Variants in CYP4F8 observed in about 807,000 individuals in gnomAD.
CYP4F8 encodes cytochrome P450 family 4 subfamily F member 8.
CYP4F8 carries 56 observed loss-of-function variants against 55.0 expected under a neutral mutation model. That is an observed-to-expected ratio of 1.02 (90% CI 0.82 to 1.27). The LOEUF is 1.27. Ranked by LOEUF, CYP4F8 falls within the 50% of genes most tolerant of loss-of-function variation. The pLI, the probability that CYP4F8 is intolerant of heterozygous loss-of-function variation, is 0.00. For synonymous variants in CYP4F8, 288 were observed against 267.3 expected (o/e 1.08, Z -0.76); for missense variants, 680 against 682.4 (o/e 1.00, Z 0.04).
At position 15,615,603 on chromosome 19, in the gene CYP4F8, G is replaced by A. The variant is rs201221103; in HGVS notation, c.-1-13G>A. 158 of 1,612,296 alleles carry A rather than the reference G, an allele frequency of 9.8e-5. No homozygotes were observed. Among genetic ancestry groups the A allele is most frequent in the Admixed American group, 1.8e-4 (11 of 59,880 alleles). On this transcript the variant is annotated splice_polypyrimidine_tract_variant and intron_variant, in intron 1 of 12. Coordinates refer to ENST00000612078, the MANE Select transcript of CYP4F8 (RefSeq NM_007253.4). ...GCCTCAGGACCTCACCCTCCATCCC[G>A]TCTGCCCTGCAGGATGTCGCTGCTG...
At chr19:15,615,545 A>G in intron 1 of CYP4F8, 71 bp from the exon 2 acceptor site, 10 of 1,519,650 alleles carry the variant, frequency 6.6e-6, no homozygotes, top group Non-Finnish European at 8.0e-6. Flanking sequence ...TTTACCCATC[A>G]TTGGTCCTGG....
rs548434588 is a variant in CYP4F8, at chr19:15,630,228, A to G, written c.*870A>G. On this transcript the variant is annotated 3_prime_UTR_variant, in exon 13 of 13. Transcript: ENST00000612078. ...CAAATTTATTACAAAGGTATATTGC[A>G]TCATGCTGAGGTTTGGAGTATGAAT... is the stretch of plus-strand genomic sequence containing the variant. 6.6e-5 allele frequency: 10 copies of G among 152,294 alleles called. No homozygotes were observed. The highest frequency in any genetic ancestry group is 2.4e-4 in the African/African-American group (10 of 41,540). 9.4% of individuals were successfully genotyped at this position (152,294 alleles called of 1,614,324 possible). A position where few individuals can be genotyped will look rare whatever the true frequency, so the allele number is the denominator to read the frequency against.
At chr19:15,620,206 TGTGCCA>T (rs1047094341) in intron 5 of CYP4F8, among the ~76,000 whole-genome samples, 2 of 152,152 alleles carry the variant, frequency 1.3e-5, no homozygotes, top group African/African-American at 4.8e-5. Flanking sequence ...CAGCTTTGCT[TGTGCCA>T]GCTCAGTTCT....
chr19:15,623,952 G>A lies in CYP4F8; in HGVS notation c.986-13G>A, dbSNP rs1568384034. 1 of 1,613,666 alleles carries A rather than the reference G, an allele frequency of 6.2e-7. No homozygotes were observed. The highest frequency in any genetic ancestry group is 8.5e-7 in the Non-Finnish European group (1 of 1,179,706). ...GCAGCCCAGAGACTCAAGCCTGCCTGGCTGACCCTCAGGCCATGACACCAC... is the reference window on the plus strand; with the variant it reads ...GCAGCCCAGAGACTCAAGCCTGCCTAGCTGACCCTCAGGCCATGACACCAC... On this transcript the variant is annotated splice_polypyrimidine_tract_variant and intron_variant, in intron 8 of 12. Transcript: ENST00000612078.
At chr19:15,627,729 A>G (rs1014664882) in intron 9 of CYP4F8, 2 of 152,490 alleles carry the variant, frequency 1.3e-5, no homozygotes, top group East Asian at 3.9e-4. Context: ...TTACCTCTTT[A>G]TATAATTTTA....
chr19:15,617,071 G>A lies in CYP4F8; in HGVS notation c.199-929G>A, dbSNP rs561307331. ...CCATGGGAGGGCCTGGGGCCCCTGA[G>A]GCCCAGCCAGGACATAAAAGGATGT... On this transcript the variant is annotated intron_variant, in intron 2 of 12. Transcript: ENST00000612078. 3.3e-5 allele frequency among the ~76,000 whole-genome samples: 5 copies of A among 152,296 alleles called. No individual in the cohort carries two copies. The East Asian group carries it at 9.7e-4, about 29-fold the overall frequency.
In CYP4F8 at chr19:15,623,302, G is replaced by A. The variant is rs766762434; in HGVS notation, c.845G>A (p.Gly282Asp). The A allele has an allele frequency of 2.5e-6, 4 of 1,614,042 alleles. No homozygotes were observed. The highest frequency in any genetic ancestry group is 1.7e-6 in the Non-Finnish European group (2 of 1,180,014). Residue 282 changes from glycine (G) to aspartate (D), a missense_variant, in exon 7 of 13, where the codon GGT becomes GAT. Physicochemically the swap from Gly to Asp is moderately conservative, Grantham distance 94. Coordinates refer to ENST00000612078, the MANE Select transcript of CYP4F8 (RefSeq NM_007253.4). ...QERRRTLTSQ[G>D]VDDFLQAKAK... ...CGGCGCCGCACCCTCACTAGCCAGGGTGTTGATGACTTCCTCCAAGCCAAG... is the reference window on the plus strand; with the variant it reads ...CGGCGCCGCACCCTCACTAGCCAGGATGTTGATGACTTCCTCCAAGCCAAG...
At chr19:15,615,948 C>CACTCACTCATTCCTCTTA in intron 2 of CYP4F8, 134 bp downstream of exon 2, 1 of 198,656 alleles carries the variant, frequency 5.0e-6, no homozygotes, top group Non-Finnish European at 8.3e-6. Context: ...CATTCCTCTT[C>CACTCACTCATTCCTCTTA]CCACTCATTC....
At position 15,629,374 on chromosome 19, in the gene CYP4F8, ACCCACCTACCTTTG is replaced by A; in HGVS notation, c.*18_*31del. On this transcript the variant is annotated 3_prime_UTR_variant, in exon 13 of 13. Transcript: ENST00000612078. ...CCTGGGCTGAGGCCTGCAGTGACCC[ACCCACCTACCTTTG>A]CATCACCTACCTTTGCACCAACTAC... is the stretch of plus-strand genomic sequence containing the variant. 3 of 1,585,330 alleles carry A rather than the reference ACCCACCTACCTTTG, an allele frequency of 1.9e-6. No individual in the cohort carries two copies. Among genetic ancestry groups the A allele is most frequent in the Non-Finnish European group, 1.7e-6 (2 of 1,165,432 alleles).
intron 10 of CYP4F8, 28 bp from the exon 11 acceptor site, chr19:15,628,503 G>GAA (rs1972291870): frequency 1.2e-6 from 2 of 1,613,494 alleles, no homozygotes; most frequent in African/African-American, 2.7e-5. Context: ...CTCGGACCTT[G>GAA]TTCTTACTGT....
chr19:15,627,793 C>G (rs1248311402), intron 9 of CYP4F8: 1 of 152,700 alleles, frequency 6.5e-6, no homozygotes, highest in Non-Finnish European at 1.5e-5. Context: ...TGGAGTTGCT[C>G]TGCCTCCCAA....
Position 15,615,625 on chromosome 19 carries a change from G to A in CYP4F8, c.9G>A (p.Leu3=), listed in dbSNP as rs1255792730. The A allele has an allele frequency of 6.2e-7, 1 of 1,613,450 alleles. No individual in the cohort carries two copies. The highest frequency in any genetic ancestry group is 8.5e-7 in the Non-Finnish European group (1 of 1,179,846). The part of the protein sequence containing the change: MS[L]LSLSWLGLRP... Reference sequence around the variant, plus strand: ...CCCGTCTGCCCTGCAGGATGTCGCTGCTGAGCCTGTCTTGGCTGGGCCTCA... The same window carrying A: ...CCCGTCTGCCCTGCAGGATGTCGCTACTGAGCCTGTCTTGGCTGGGCCTCA... Residue 3 remains leucine (L), a synonymous_variant, in exon 2 of 13, where the codon CTG becomes CTA. Transcript: ENST00000612078.
chr19:15,628,938 T>C (rs774017953), intron 12 of CYP4F8, 95 bp downstream of exon 12: 35 of 1,389,432 alleles, frequency 2.5e-5, no homozygotes, highest in Non-Finnish European at 3.2e-5. Context: ...CGTGTTTCTG[T>C]GATAGGGGTT....
chr19:15,625,371 T>C (rs539845664), intron 9 of CYP4F8, among the ~76,000 whole-genome samples: 107 of 149,100 alleles, frequency 7.2e-4, no homozygotes, highest in Admixed American at 4.2e-3. Flanking sequence ...TGTATATATA[T>C]ATAGTGTTTG....
intron 5 of CYP4F8, 71 bp downstream of exon 5, chr19:15,619,833 A>G (rs1972171714): frequency 1.3e-6 from 2 of 1,567,052 alleles, no homozygotes; most frequent in Non-Finnish European, 1.7e-6. Context: ...TGGGTCTGGA[A>G]TGTTGGCTCT....
At chr19:15,617,972 G>A in intron 2 of CYP4F8, 28 bp from the exon 3 acceptor site, 2 of 1,609,640 alleles carry the variant, frequency 1.2e-6, no homozygotes, top group Non-Finnish European at 1.7e-6. Context: ...GTGGACACAG[G>A]AGGTGATGGC....
At position 15,619,338 on chromosome 19, in the gene CYP4F8, C is replaced by A. The variant is rs4646527; in HGVS notation, c.344-152C>A. The A allele has an allele frequency of 7.2e-4, 589 of 817,866 alleles. 6 individuals are homozygous for A. The East Asian group carries it at 0.013, about 19-fold the overall frequency. 50.7% of individuals were successfully genotyped at this position (817,866 alleles called of 1,614,324 possible). A position where few individuals can be genotyped will look rare whatever the true frequency, so the allele number is the denominator to read the frequency against. On this transcript the variant is annotated intron_variant, in intron 3 of 12. Transcript: ENST00000612078. ...CTAGTCCGGTCCCCTTTATGCCCCCCACCCTCCTTTCTTCTTCTGCCCATG... is the reference window on the plus strand; with the variant it reads ...CTAGTCCGGTCCCCTTTATGCCCCCAACCCTCCTTTCTTCTTCTGCCCATG...
intron 3 of CYP4F8, chr19:15,618,867 G>C (rs1296640782): frequency 5.8e-6 from 1 of 173,662 alleles, no homozygotes; most frequent in East Asian, 1.5e-4. Context: ...CACCACCCCA[G>C]CCTGGAGCCG....
At chr19:15,624,594 A>G (rs1247529517) in intron 9 of CYP4F8, among the ~76,000 whole-genome samples, 3 of 152,236 alleles carry the variant, frequency 2.0e-5, no homozygotes, top group African/African-American at 7.2e-5. Flanking sequence ...GCAGATTCCT[A>G]GAAGTGCAAC....
Sources: gnomAD v4.1 joint callset for allele counts (sites outside exome capture counted in the v4.1 genomes callset) on GRCh38, gnomAD v4.1.1 for gene constraint, MANE v1.5 for transcripts, NCBI Gene and HGNC (gene_info 2026-07-23, HGNC 2026-07-21) for gene names.